The following SCHIP1 variants were observed in gnomAD, a reference collection of about 807,000 sequenced individuals.
SCHIP1 encodes the protein schwannomin-interacting protein 1.
A neutral mutation model predicts 29.7 loss-of-function variants in SCHIP1; 8 were observed. The observed-to-expected ratio is 0.27, with a 90% CI of 0.16 to 0.49. SCHIP1 has a LOEUF of 0.49. Among genes scored for constraint, SCHIP1 ranks in the 20% least tolerant of loss-of-function variants. The pLI, the probability that SCHIP1 is intolerant of heterozygous loss-of-function variation, is 0.99. For synonymous variants in SCHIP1, 76 were observed against 94.9 expected (o/e 0.80, Z 1.16); for missense variants, 193 against 294.6 (o/e 0.66, Z 2.52).
the SCHIP1 span, among the ~76,000 whole-genome samples, chr3:159,321,236 A>T: frequency 6.6e-6 from 1 of 152,174 alleles, no homozygotes; most frequent in Admixed American, 6.5e-5. Context: ...AAGTGCTGGG[A>T]TTATAGGTGT....
chr3:159,839,938 A>G (rs1440960983), exon 1 of SCHIP1: 30 of 1,407,912 alleles, frequency 2.1e-5, no homozygotes, highest in Non-Finnish European at 2.5e-5. Flanking sequence ...TCCCAGCTCC[A>G]TGTTCCTAAG....
chr3:159,445,038 A>G, the SCHIP1 span, among the ~76,000 whole-genome samples: 1 of 152,016 alleles, frequency 6.6e-6, no homozygotes, highest in East Asian at 1.9e-4. Context: ...GATCTAATTA[A>G]ACTAAAGAGC....
the SCHIP1 span, among the ~76,000 whole-genome samples, chr3:159,804,810 A>AT: frequency 2.0e-5 from 3 of 151,918 alleles, no homozygotes; most frequent in Non-Finnish European, 2.9e-5. Context: ...GAATGCTGTT[A>AT]TTTTTTTTCT....
At chr3:159,758,115 A>G in the SCHIP1 span, among the ~76,000 whole-genome samples, 3 of 152,040 alleles carry the variant, frequency 2.0e-5, no homozygotes, top group Non-Finnish European at 1.5e-5. Flanking sequence ...ATTCTCTTCA[A>G]TGAAGCTCAA....
At chr3:159,814,362 C>A in the SCHIP1 span, among the ~76,000 whole-genome samples, 1 of 152,322 alleles carries the variant, frequency 6.6e-6, no homozygotes, top group Non-Finnish European at 1.5e-5. Context: ...TGCCCCAGAG[C>A]ACTCTGAATA....
chr3:159,729,175 A>C, the SCHIP1 span, among the ~76,000 whole-genome samples: 7 of 152,186 alleles, frequency 4.6e-5, no homozygotes, highest in East Asian at 1.2e-3. Context: ...AAAAAAAGAA[A>C]AGAAAAGAAA....
chr3:159,649,606 A>G, the SCHIP1 span, among the ~76,000 whole-genome samples: 1 of 152,208 alleles, frequency 6.6e-6, no homozygotes, highest in South Asian at 2.1e-4. Flanking sequence ...TTGAAGAATC[A>G]AATCTGTAAA....
At chr3:159,708,342 T>G in the SCHIP1 span, among the ~76,000 whole-genome samples, 1 of 152,152 alleles carries the variant, frequency 6.6e-6, no homozygotes, top group African/African-American at 2.4e-5. Context: ...AGAGAGATGG[T>G]AAGATAAAAG....
chr3:159,728,782 G>A, the SCHIP1 span, among the ~76,000 whole-genome samples: 1 of 152,202 alleles, frequency 6.6e-6, no homozygotes, highest in Non-Finnish European at 1.5e-5. Context: ...AATAGTGGGG[G>A]ACAGTTAGAA....
the SCHIP1 span, among the ~76,000 whole-genome samples, chr3:159,790,882 T>A: frequency 6.6e-6 from 1 of 152,346 alleles, no homozygotes; most frequent in South Asian, 2.1e-4. Context: ...TGTTTCTTAA[T>A]CCTTTAAACC....
At chr3:159,465,578 G>C in the SCHIP1 span, among the ~76,000 whole-genome samples, 1 of 151,952 alleles carries the variant, frequency 6.6e-6, no homozygotes, top group Admixed American at 6.6e-5. Context: ...TATTTACCTG[G>C]GGGATAAATA....
the SCHIP1 span, among the ~76,000 whole-genome samples, chr3:159,449,348 G>A: frequency 2.6e-5 from 4 of 152,074 alleles, no homozygotes; most frequent in African/African-American, 4.8e-5. Flanking sequence ...GCAGAAGAGG[G>A]AAGGTCTCCT....
At chr3:159,465,928 A>T in the SCHIP1 span, among the ~76,000 whole-genome samples, 1 of 152,192 alleles carries the variant, frequency 6.6e-6, no homozygotes, top group South Asian at 2.1e-4. Flanking sequence ...AACAATTAAC[A>T]AAAGTTTGAA....
At chr3:159,882,928 C>T (rs1716591340) in intron 2 of SCHIP1, among the ~76,000 whole-genome samples, 1 of 152,232 alleles carries the variant, frequency 6.6e-6, no homozygotes, top group East Asian at 1.9e-4. Context: ...CACTCCTGCT[C>T]ACACTGAGAT....
chr3:159,674,001 A>G, the SCHIP1 span, among the ~76,000 whole-genome samples: 741 of 152,204 alleles, frequency 4.9e-3, 7 homozygotes, highest in African/African-American at 0.017. Flanking sequence ...TGTTTACCCA[A>G]TGCTTTCCAT....
At chr3:159,441,767 C>T in the SCHIP1 span, among the ~76,000 whole-genome samples, 1 of 152,082 alleles carries the variant, frequency 6.6e-6, no homozygotes, top group Non-Finnish European at 1.5e-5. Context: ...CTGGAGAGAA[C>T]AGAGCAGAGG....
chr3:159,662,681 A>C, the SCHIP1 span, among the ~76,000 whole-genome samples: 1 of 152,230 alleles, frequency 6.6e-6, no homozygotes, highest in Non-Finnish European at 1.5e-5. Context: ...TATATAATCA[A>C]AATTCCTAGT....
chr3:159,713,222 G>GAA, the SCHIP1 span, among the ~76,000 whole-genome samples: 157 of 100,934 alleles, frequency 1.6e-3, no homozygotes, highest in African/African-American at 6.0e-3. Context: ...GAGAGAGAGA[G>GAA]AGAAAGAAAG....
chr3:159,425,024 A>G, the SCHIP1 span, among the ~76,000 whole-genome samples: 3 of 151,912 alleles, frequency 2.0e-5, no homozygotes, highest in Admixed American at 1.3e-4. Context: ...CCTGCCTTAA[A>G]AGAGCTCCTG....
Sources: allele counts gnomAD v4.1 joint callset (sites outside exome capture counted in the v4.1 genomes callset), GRCh38; gene constraint gnomAD v4.1.1; transcripts MANE v1.5; gene names NCBI Gene and HGNC (gene_info 2026-07-23, HGNC 2026-07-21).